TSHZ2: variants seen among roughly 807,000 people sequenced by gnomAD.
The protein encoded by TSHZ2 is teashirt zinc finger homeobox 2.
TSHZ2 carries 21 observed loss-of-function variants against 74.4 expected under a neutral mutation model. The observed-to-expected ratio is 0.28, with a 90% CI of 0.20 to 0.41. The LOEUF (loss-of-function observed/expected upper bound fraction) is 0.41. Among genes scored for constraint, TSHZ2 ranks in the 10% least tolerant of loss-of-function variants. The pLI is 1.00. For synonymous variants in TSHZ2, 540 were observed against 515.3 expected, an observed-to-expected ratio of 1.05 and a Z score of -0.65; for missense variants, 1,244 against 1,293.5, an observed-to-expected ratio of 0.96 and a Z score of 0.59.
intron 1 of TSHZ2, among the ~76,000 whole-genome samples, chr20:53,216,400 A>G (rs1256328763): frequency 6.6e-6 from 1 of 152,224 alleles, no homozygotes; most frequent in Non-Finnish European, 1.5e-5. Context: ...CCCTGGCAGA[A>G]AGTCAAGGAC....
At chr20:53,391,804 G>T (rs566585143) in intron 2 of TSHZ2, among the ~76,000 whole-genome samples, 1 of 152,148 alleles carries the variant, frequency 6.6e-6, no homozygotes, top group Admixed American at 6.6e-5. Flanking sequence ...TTAGACAGAC[G>T]TGGTGGTGTG....
chr20:53,167,911 T>C (rs1291446032), intron 1 of TSHZ2, among the ~76,000 whole-genome samples: 1 of 152,244 alleles, frequency 6.6e-6, no homozygotes, highest in Non-Finnish European at 1.5e-5. Context: ...AAGGTGTTTC[T>C]TTATGCCCAG....
intron 1 of TSHZ2, among the ~76,000 whole-genome samples, chr20:53,153,232 G>A (rs576958116): frequency 1.3e-5 from 2 of 152,322 alleles, no homozygotes; most frequent in African/African-American, 4.8e-5. Flanking sequence ...AGCGAGGCAA[G>A]CATAAATGTC....
At chr20:53,343,500 G>C (rs925814909) in intron 2 of TSHZ2, among the ~76,000 whole-genome samples, 10 of 152,112 alleles carry the variant, frequency 6.6e-5, no homozygotes, top group Admixed American at 1.3e-4. Context: ...CTAACATTCC[G>C]GACGACCAAT....
In TSHZ2 at chr20:53,410,656, T is replaced by C. The variant is rs1983023964; in HGVS notation, c.*9-76488T>C. The stretch of plus-strand genomic sequence containing the variant: ...GTGTTATATTTATGAAAATGTAAAA[T>C]CCATGGTATTGATCATAAGCACCTT... On this transcript the variant is annotated intron_variant, in intron 2 of 2. Transcript: ENST00000371497. 2.0e-5 allele frequency among the ~76,000 whole-genome samples: 3 copies of C among 149,064 alleles called. No homozygotes were observed. The South Asian group carries it at 6.3e-4, about 31-fold the overall frequency.
intron 1 of TSHZ2, among the ~76,000 whole-genome samples, chr20:53,051,236 G>A (rs1984448226): frequency 6.6e-6 from 1 of 152,180 alleles, no homozygotes; most frequent in Non-Finnish European, 1.5e-5. Flanking sequence ...CTACTTGGGA[G>A]GCTGAGGCAG....
intron 1 of TSHZ2, among the ~76,000 whole-genome samples, chr20:52,988,812 C>T (rs150361236): frequency 4.8e-4 from 73 of 152,250 alleles, no homozygotes; most frequent in African/African-American, 1.5e-3. Context: ...ATCGTGCTCA[C>T]CCACTCCACA....
At chr20:53,252,042 C>T (rs1396043953) in intron 1 of TSHZ2, among the ~76,000 whole-genome samples, 1 of 152,202 alleles carries the variant, frequency 6.6e-6, no homozygotes, top group Non-Finnish European at 1.5e-5. Context: ...GTAATAGTGG[C>T]TACTTCATGC....
intron 1 of TSHZ2, among the ~76,000 whole-genome samples, chr20:53,243,045 G>A (rs1990109341): frequency 6.6e-6 from 1 of 152,128 alleles, no homozygotes; most frequent in Non-Finnish European, 1.5e-5. Flanking sequence ...AATAACTTTG[G>A]TTGTTGGTAA....
intron 1 of TSHZ2, among the ~76,000 whole-genome samples, chr20:53,036,645 T>C (rs983120016): frequency 6.8e-6 from 1 of 146,782 alleles, no homozygotes; most frequent in Non-Finnish European, 1.5e-5. Flanking sequence ...GCATTACACA[T>C]TATATATTAT....
At chr20:53,351,130 A>G (rs1452004970) in intron 2 of TSHZ2, among the ~76,000 whole-genome samples, 1 of 152,218 alleles carries the variant, frequency 6.6e-6, no homozygotes, top group Non-Finnish European at 1.5e-5. Context: ...TGATCACCAA[A>G]TTGGACGAGA....
At chr20:53,095,387 A>G (rs1986006919) in intron 1 of TSHZ2, among the ~76,000 whole-genome samples, 1 of 152,184 alleles carries the variant, frequency 6.6e-6, no homozygotes, top group African/African-American at 2.4e-5. Context: ...ACCAAGAGAA[A>G]TGGGATGTGC....
At chr20:53,352,209 C>T (rs1011304609) in intron 2 of TSHZ2, among the ~76,000 whole-genome samples, 1 of 144,092 alleles carries the variant, frequency 6.9e-6, no homozygotes, top group Non-Finnish European at 1.5e-5. Context: ...CACTGCATTC[C>T]GTTTTGGCCC....
intron 2 of TSHZ2, among the ~76,000 whole-genome samples, chr20:53,436,533 A>ATTTTTTTTTTTTTTTTT (rs1444141242): frequency 8.6e-6 from 1 of 115,980 alleles, no homozygotes; most frequent in African/African-American, 3.5e-5. Context: ...ATTTATTATT[A>ATTTTTTTTTTTTTTTTT]TTATTATTAT....
intron 2 of TSHZ2, among the ~76,000 whole-genome samples, chr20:53,423,406 A>G (rs1339316966): frequency 6.6e-6 from 1 of 152,088 alleles, no homozygotes; most frequent in African/African-American, 2.4e-5. Flanking sequence ...CAAACAAAAA[A>G]GGCTATGATA....
intron 1 of TSHZ2, among the ~76,000 whole-genome samples, chr20:52,995,994 T>C (rs1982172314): frequency 1.3e-5 from 2 of 152,286 alleles, no homozygotes; most frequent in East Asian, 3.9e-4. Context: ...TAATTAAAAA[T>C]AGTGTTTTTA....
chr20:53,216,538 G>A (rs1330230721), intron 1 of TSHZ2, among the ~76,000 whole-genome samples: 1 of 152,154 alleles, frequency 6.6e-6, no homozygotes, highest in Non-Finnish European at 1.5e-5. Flanking sequence ...GCATAGGTGC[G>A]ACCCAACCAA....
chr20:53,204,431 CATA>C (rs1364145494), intron 1 of TSHZ2, among the ~76,000 whole-genome samples: 5 of 149,048 alleles, frequency 3.4e-5, no homozygotes, highest in Non-Finnish European at 7.4e-5. Flanking sequence ...ACTATTATAT[CATA>C]ATATGATATA....
rs1986354977 is a variant in TSHZ2 at position 53,488,511 on chromosome 20, A to C, written c.*1376A>C. ...GAACATTTTCTATACAATTGAAAGC[A>C]ACCTATAATAGATAAATCCATCATT... is the stretch of plus-strand genomic sequence containing the variant. On this transcript the variant is annotated 3_prime_UTR_variant, in exon 3 of 3. Transcript: ENST00000371497. 6.3e-6 allele frequency: 1 copy of C among 159,366 alleles called. No homozygotes were observed. 9.9% of individuals were successfully genotyped at this position (159,366 alleles called of 1,614,324 possible).
Sources: gnomAD v4.1 joint callset for allele counts (sites outside exome capture counted in the v4.1 genomes callset) on GRCh38, gnomAD v4.1.1 for gene constraint, MANE v1.5 for transcripts, NCBI Gene and HGNC (gene_info 2026-07-23, HGNC 2026-07-21) for gene names.